Variants in ASAP1 observed in about 807,000 individuals in gnomAD.
ASAP1 encodes arf-GAP with SH3 domain, ANK repeat and PH domain-containing protein 1.
In ASAP1, 43 loss-of-function variants were observed where a neutral mutation model predicts 145.2. The ratio of observed to expected loss-of-function variants is 0.30; its 90% CI spans 0.23 to 0.38. The LOEUF (loss-of-function observed/expected upper bound fraction) is 0.38, where lower values mean the gene tolerates loss of function less well. ASAP1 is among the 10% of genes least tolerant of loss of function. The pLI is 1.00. For synonymous variants in ASAP1, 546 were observed against 515.5 expected (o/e 1.06, Z -0.80); for missense variants, 1,018 against 1,355.3 (o/e 0.75, Z 3.91).
At chr8:130,061,882 C>T (rs1430678626) in intron 27 of ASAP1, among the ~76,000 whole-genome samples, 3 of 152,144 alleles carry the variant, frequency 2.0e-5, no homozygotes, top group Non-Finnish European at 4.4e-5. Flanking sequence ...CTTTGTACAG[C>T]TCTTGGTACT....
At chr8:130,390,602 G>A (rs1828232953) in intron 2 of ASAP1, among the ~76,000 whole-genome samples, 1 of 152,210 alleles carries the variant, frequency 6.6e-6, no homozygotes, top group East Asian at 1.9e-4. Flanking sequence ...TATTATTTAG[G>A]TCTGTATTCT....
At chr8:130,113,721 C>G (rs1564973723) in intron 23 of ASAP1, among the ~76,000 whole-genome samples, 1 of 151,892 alleles carries the variant, frequency 6.6e-6, no homozygotes. Flanking sequence ...TTGCTAAATT[C>G]TCTTTGTAAG....
chr8:130,443,380 G>A (rs931302897), intron 1 of ASAP1, 80 bp downstream of exon 1: 4 of 151,350 alleles, frequency 2.6e-5, no homozygotes, highest in Non-Finnish European at 4.4e-5. Flanking sequence ...CTTCGCGCGA[G>A]AGACTGGGCA....
chr8:130,251,835 T>G (rs1454171112), intron 3 of ASAP1, among the ~76,000 whole-genome samples: 3 of 152,148 alleles, frequency 2.0e-5, no homozygotes, highest in Non-Finnish European at 4.4e-5. Flanking sequence ...ATAAAATGCA[T>G]TTTTTATCCT....
intron 1 of ASAP1, chr8:130,427,950 C>T (rs1283649975): frequency 6.6e-6 from 1 of 152,242 alleles, no homozygotes; most frequent in African/African-American, 2.4e-5. Flanking sequence ...AGTCTCTGCT[C>T]ACTGTGCCCC....
chr8:130,229,795 C>T (rs142377166), intron 4 of ASAP1, among the ~76,000 whole-genome samples: 1 of 152,294 alleles, frequency 6.6e-6, no homozygotes, highest in Non-Finnish European at 1.5e-5. Flanking sequence ...AATCCCAACG[C>T]TTTAGTAGGC....
intron 11 of ASAP1, among the ~76,000 whole-genome samples, chr8:130,162,569 A>C (rs918920672): frequency 6.6e-6 from 1 of 152,224 alleles, no homozygotes; most frequent in Non-Finnish European, 1.5e-5. Flanking sequence ...CTGTAATCCC[A>C]GCACTTTGGG....
chr8:130,285,035 C>T (rs993155335), intron 3 of ASAP1, among the ~76,000 whole-genome samples: 1 of 152,060 alleles, frequency 6.6e-6, no homozygotes, highest in Non-Finnish European at 1.5e-5. Context: ...AAAGTAAAGG[C>T]CAGTCTCTAA....
intron 18 of ASAP1, among the ~76,000 whole-genome samples, chr8:130,123,621 A>C (rs2097570053): frequency 6.6e-6 from 1 of 152,152 alleles, no homozygotes; most frequent in Non-Finnish European, 1.5e-5. Context: ...CACTGTAAAA[A>C]ACTAAAGACT....
chr8:130,404,977 A>T (rs1828960438), intron 1 of ASAP1, among the ~76,000 whole-genome samples: 1 of 151,964 alleles, frequency 6.6e-6, no homozygotes, highest in Admixed American at 6.6e-5. Flanking sequence ...GTCCGGCATG[A>T]ACCAGCCATG....
In ASAP1 at chr8:130,399,841, A is replaced by G. The variant is rs930004846; in HGVS notation, c.59+2044T>C. On this transcript the variant is annotated intron_variant, in intron 2 of 29. Coordinates refer to ENST00000518721, the MANE Select transcript of ASAP1 (RefSeq NM_018482.4). ...TTTTTTTTTTTTTTTTTTGAGACAG[A>G]GTTTCGCTCTTGTTGCCCAGGCTGG... is the stretch of plus-strand genomic sequence containing the variant. 6.2e-4 allele frequency among the ~76,000 whole-genome samples: 81 copies of G among 130,124 alleles called. 1 individual carries two copies. The highest frequency in any genetic ancestry group is 1.1e-3 in the Non-Finnish European group (71 of 62,738). 85.4% of individuals were successfully genotyped at this position (130,124 alleles called of 152,430 possible).
At chr8:130,218,306 G>A (rs1350014404) in intron 4 of ASAP1, among the ~76,000 whole-genome samples, 1 of 152,086 alleles carries the variant, frequency 6.6e-6, no homozygotes, top group Non-Finnish European at 1.5e-5. Flanking sequence ...GTAAAAATAG[G>A]TATATAGGCT....
At chr8:130,179,469 T>C in intron 8 of ASAP1, 120 bp from the exon 9 acceptor site, 1 of 607,910 alleles carries the variant, frequency 1.6e-6, no homozygotes, top group Non-Finnish European at 3.0e-6. Context: ...TGGTGTCCTT[T>C]AGACAGTTTA....
chr8:130,307,919 A>G (rs1012822277), intron 3 of ASAP1, among the ~76,000 whole-genome samples: 2 of 152,220 alleles, frequency 1.3e-5, no homozygotes. Flanking sequence ...TAGTGTTAAA[A>G]TACACTTGAG....
intron 3 of ASAP1, among the ~76,000 whole-genome samples, chr8:130,256,526 T>C (rs1482724442): frequency 6.6e-6 from 1 of 151,916 alleles, no homozygotes; most frequent in Non-Finnish European, 1.5e-5. Flanking sequence ...GTTACCTCAA[T>C]CCCACTTATT....
intron 5 of ASAP1, among the ~76,000 whole-genome samples, chr8:130,202,415 A>C (rs1815924604): frequency 6.6e-6 from 1 of 152,214 alleles, no homozygotes; most frequent in South Asian, 2.1e-4. Context: ...TCTCTCACAT[A>C]GAAAATGACA....
At chr8:130,351,753 A>C (rs553214167) in intron 3 of ASAP1, among the ~76,000 whole-genome samples, 1 of 152,200 alleles carries the variant, frequency 6.6e-6, no homozygotes, top group Non-Finnish European at 1.5e-5. Context: ...ACCATTCATG[A>C]GGCATCCGCC....
In ASAP1 at chr8:130,054,747, T is replaced by C. The variant is rs916943670; in HGVS notation, c.3374A>G (p.His1125Arg). Residue 1125 changes from histidine (H) to arginine (R), a missense_variant, in exon 30 of 30, where the codon CAT (histidine) becomes CGT (arginine). Physicochemically the swap from His to Arg is conservative, Grantham distance 29. This residue lies in a region of ASAP1 where 62 missense variants were observed against 97.8 expected (regional missense o/e 0.63). Coordinates refer to ENST00000518721, the MANE Select transcript of ASAP1 (RefSeq NM_018482.4). Reference protein sequence around the residue: ...RKGVFPVSFVHILSD With the variant: ...RKGVFPVSFVRILSD Reference sequence around the variant, plus strand: ...TGCGTTTTGCTAGTCAGACAGGATATGAACAAAGGACACTGGAAAGACCCC... The same window carrying C: ...TGCGTTTTGCTAGTCAGACAGGATACGAACAAAGGACACTGGAAAGACCCC... The C allele has an allele frequency of 9.9e-6, 16 of 1,613,516 alleles. No homozygotes were observed. Among genetic ancestry groups the C allele is most frequent in the Non-Finnish European group, 1.3e-5 (15 of 1,179,650 alleles).
At chr8:130,081,081 A>C (rs1311197074) in intron 25 of ASAP1, among the ~76,000 whole-genome samples, 3 of 152,232 alleles carry the variant, frequency 2.0e-5, no homozygotes, top group African/African-American at 7.2e-5. Context: ...ATAATGTGTA[A>C]TGAGATGAAC....
Sources: allele counts gnomAD v4.1 joint callset (sites outside exome capture counted in the v4.1 genomes callset), GRCh38; gene constraint gnomAD v4.1.1; regional missense constraint gnomAD v4.1.1; transcripts MANE v1.5; gene names NCBI Gene and HGNC (gene_info 2026-07-23, HGNC 2026-07-21).